Variants in PPP6R3 observed in about 807,000 individuals in gnomAD.
PPP6R3 encodes serine/threonine-protein phosphatase 6 regulatory subunit 3.
PPP6R3 carries 38 observed loss-of-function variants against 110.7 expected under a neutral mutation model. The ratio of observed to expected loss-of-function variants is 0.34; its 90% CI spans 0.26 to 0.45. The LOEUF (loss-of-function observed/expected upper bound fraction) is 0.45, where lower values mean the gene tolerates loss of function less well. Ranked by LOEUF, PPP6R3 falls within the 20% of genes least tolerant of loss-of-function variation. PPP6R3 has a pLI of 1.00. For synonymous variants in PPP6R3, 369 were observed against 373.5 expected, an observed-to-expected ratio of 0.99 and a Z score of 0.14; for missense variants, 870 against 1,062.4, an observed-to-expected ratio of 0.82 and a Z score of 2.52.
In PPP6R3 at chr11:68,477,741, A is replaced by AATATATATAT. The variant is rs1179617745; in HGVS notation, c.-158+16936_-158+16945dup. On this transcript the variant is annotated intron_variant, in intron 1 of 23. Coordinates refer to ENST00000393800, the MANE Select transcript of PPP6R3 (RefSeq NM_001164161.2). The stretch of plus-strand genomic sequence containing the variant: ...GACATTGTCTCTTAAAAAAAAAAAA[A>AATATATATAT]ATATATATATATATATATATATATA... Among the ~76,000 whole-genome samples, 212 of 57,846 alleles carry AATATATATAT rather than the reference A, an allele frequency of 3.7e-3. 3 individuals are homozygous for AATATATATAT. The highest frequency in any genetic ancestry group is 0.011 in the East Asian group (26 of 2,266). 37.9% of individuals were successfully genotyped at this position (57,846 alleles called of 152,430 possible). A position where few individuals can be genotyped will look rare whatever the true frequency, so the allele number is the denominator to read the frequency against.
intron 12 of PPP6R3, 102 bp from the exon 13 acceptor site, chr11:68,574,007 T>C: frequency 3.8e-6 from 3 of 796,338 alleles, no homozygotes; most frequent in Non-Finnish European, 6.4e-6. Context: ...TTCAGTGCCT[T>C]CAGGGTTTAA....
rs772026307 is a variant in PPP6R3 at position 68,544,737 on chromosome 11, A to T, written c.228-101A>T. The T allele has an allele frequency of 5.1e-6, 4 of 785,552 alleles. No homozygotes were observed. The highest frequency in any genetic ancestry group is 7.6e-6 in the Non-Finnish European group (4 of 526,418). 48.7% of individuals were successfully genotyped at this position (785,552 alleles called of 1,614,324 possible). Reference sequence around the variant, plus strand: ...TTCCTGATTTCCAGTAAACGATTTTATTTTTTTCACAAAATCTTGGGAAGC... The same window carrying T: ...TTCCTGATTTCCAGTAAACGATTTTTTTTTTTTCACAAAATCTTGGGAAGC... On this transcript the variant is annotated intron_variant, in intron 3 of 23. Transcript: ENST00000393800.
intron 14 of PPP6R3, among the ~76,000 whole-genome samples, chr11:68,581,614 A>G (rs995483015): frequency 2.0e-5 from 3 of 152,216 alleles, no homozygotes; most frequent in African/African-American, 7.2e-5. Context: ...CAGTACAACC[A>G]CTTGACTTGC....
chr11:68,573,147 TATATATAA>T (rs1565935537), intron 12 of PPP6R3, among the ~76,000 whole-genome samples: 41 of 112,474 alleles, frequency 3.6e-4, no homozygotes, highest in Middle Eastern at 4.9e-3. Flanking sequence ...TATATATATA[TATATATAA>T]TTTTTTTTTT....
chr11:68,556,124 A>G (rs2099398538), intron 7 of PPP6R3, among the ~76,000 whole-genome samples: 1 of 152,232 alleles, frequency 6.6e-6, no homozygotes, highest in Non-Finnish European at 1.5e-5. Context: ...CTGGCAATAC[A>G]TAATGTACAC....
chr11:68,523,092 C>T (rs1162836452), intron 2 of PPP6R3, among the ~76,000 whole-genome samples: 2 of 152,166 alleles, frequency 1.3e-5, no homozygotes, highest in Admixed American at 1.3e-4. Flanking sequence ...TGGATAGCTC[C>T]TTCCCTCCTT....
intron 19 of PPP6R3, among the ~76,000 whole-genome samples, chr11:68,598,298 T>C (rs1314266218): frequency 1.3e-5 from 2 of 152,340 alleles, no homozygotes; most frequent in African/African-American, 4.8e-5. Context: ...CTGGAATCTT[T>C]GGTTCTTTTA....
chr11:68,491,038 T>C (rs2098980664), intron 1 of PPP6R3, among the ~76,000 whole-genome samples: 1 of 152,050 alleles, frequency 6.6e-6, no homozygotes, highest in Non-Finnish European at 1.5e-5. Flanking sequence ...GTACAAAAAT[T>C]AGCTGGGCGT....
At chr11:68,529,215 G>GGTGT (rs142081470) in intron 2 of PPP6R3, among the ~76,000 whole-genome samples, 2 of 151,334 alleles carry the variant, frequency 1.3e-5, no homozygotes, top group African/African-American at 2.4e-5. Flanking sequence ...CCTGTTTTTG[G>GGTGT]GTGTGTGTGT....
Position 68,479,220 on chromosome 11 carries a change from C to T in PPP6R3, c.-158+18393C>T, listed in dbSNP as rs140147113. On this transcript the variant is annotated intron_variant, in intron 1 of 23. Transcript: ENST00000393800. ...AAATAATGCGTGGAGGGTAACTAAG[C>T]AGCATAGTTGTATCACTGGAATACC... Among the ~76,000 whole-genome samples the T allele has an allele frequency of 3.4e-3, 519 of 152,264 alleles. 6 individuals carry two copies. The highest frequency in any genetic ancestry group is 0.012 in the African/African-American group (496 of 41,536).
At chr11:68,478,647 G>GTTTT (rs769296530) in intron 1 of PPP6R3, among the ~76,000 whole-genome samples, 4,453 of 50,026 alleles carry the variant, frequency 0.089, 1,599 homozygotes, top group Non-Finnish European at 0.1. Flanking sequence ...CACTTGGTAA[G>GTTTT]TTTTTTTTTT....
At chr11:68,500,353 G>A (rs111849112) in intron 1 of PPP6R3, among the ~76,000 whole-genome samples, 1 of 152,058 alleles carries the variant, frequency 6.6e-6, no homozygotes, top group South Asian at 2.1e-4. Context: ...ATTTGTGGGA[G>A]GACTGGGCTC....
At chr11:68,475,170 G>A (rs549318823) in intron 1 of PPP6R3, among the ~76,000 whole-genome samples, 227 of 152,198 alleles carry the variant, frequency 1.5e-3, no homozygotes, top group African/African-American at 4.9e-3. Context: ...ATCTTGCACC[G>A]CCCTTAATCC....
chr11:68,548,363 G>C (rs2099357456), intron 5 of PPP6R3, among the ~76,000 whole-genome samples, 159 bp downstream of exon 5: 1 of 152,216 alleles, frequency 6.6e-6, no homozygotes, highest in African/African-American at 2.4e-5. Context: ...GTTGTTCCAA[G>C]ATAGGAAGAG....
Position 68,613,151 on chromosome 11 carries a change from C to T in PPP6R3, c.*34C>T, listed in dbSNP as rs200899276. On this transcript the variant is annotated 3_prime_UTR_variant, in exon 24 of 24. Transcript: ENST00000393800. Reference sequence around the variant, plus strand: ...GTCTGCTGCTGCTGACTGAGGACTGCAGACCGCCACCACTCAGGGGCTCTG... The same window carrying T: ...GTCTGCTGCTGCTGACTGAGGACTGTAGACCGCCACCACTCAGGGGCTCTG... The T allele has an allele frequency of 6.2e-6, 10 of 1,613,120 alleles. No individual in the cohort carries two copies. Among genetic ancestry groups the T allele is most frequent in the South Asian group, 3.3e-5 (3 of 90,924 alleles).
intron 14 of PPP6R3, among the ~76,000 whole-genome samples, chr11:68,581,120 T>C (rs2099552803): frequency 6.6e-6 from 1 of 152,300 alleles, no homozygotes; most frequent in East Asian, 1.9e-4. Context: ...CAGACTCAGA[T>C]GGTGTAGGTA....
At chr11:68,480,409 G>T (rs910718995) in intron 1 of PPP6R3, among the ~76,000 whole-genome samples, 4 of 152,190 alleles carry the variant, frequency 2.6e-5, no homozygotes, top group African/African-American at 9.7e-5. Flanking sequence ...CACTGTCTGG[G>T]CACTTGGTAT....
intron 1 of PPP6R3, among the ~76,000 whole-genome samples, chr11:68,471,303 A>G (rs2098790517): frequency 6.6e-6 from 1 of 151,722 alleles, no homozygotes; most frequent in Admixed American, 6.6e-5. Context: ...AAAAAAAAGA[A>G]AAAGAAATAG....
chr11:68,493,835 G>A lies in PPP6R3; in HGVS notation c.-157-25666G>A, dbSNP rs2509523. Among the ~76,000 whole-genome samples, 215 of 151,666 alleles carry A rather than the reference G, an allele frequency of 1.4e-3. 1 individual carries two copies. Among genetic ancestry groups the A allele is most frequent in the African/African-American group, 4.9e-3 (202 of 41,426 alleles). ...CGCTAGTACCCGGCCAGGCACTGTG[G>A]CTCCTGCCTGTAATCTCAGCACTTT... On this transcript the variant is annotated intron_variant, in intron 1 of 23. Coordinates refer to ENST00000393800, the MANE Select transcript of PPP6R3 (RefSeq NM_001164161.2).
Sources: gnomAD v4.1 joint callset for allele counts (sites outside exome capture counted in the v4.1 genomes callset) on GRCh38, gnomAD v4.1.1 for gene constraint, MANE v1.5 for transcripts, NCBI Gene and HGNC (gene_info 2026-07-23, HGNC 2026-07-21) for gene names.